Variants in LUZP2 observed in about 807,000 individuals in gnomAD.
LUZP2 encodes the protein leucine zipper protein 2.
LUZP2 carries 52 observed loss-of-function variants against 51.6 expected under a neutral mutation model. That is an observed-to-expected ratio of 1.01 (90% confidence interval 0.81 to 1.27). LUZP2 has a LOEUF of 1.27. LUZP2 is among the 50% of genes most tolerant of loss of function. The probability of loss-of-function intolerance (pLI) is 0.00; values close to 1 mark genes in which losing one functional copy is unlikely to be tolerated. For synonymous variants in LUZP2, 154 were observed against 137.3 expected (o/e 1.12, Z -0.85); for missense variants, 436 against 395.4 (o/e 1.10, Z -0.87).
intron 10 of LUZP2, among the ~76,000 whole-genome samples, chr11:25,076,245 A>G (rs1447808963): frequency 6.6e-6 from 1 of 151,978 alleles, no homozygotes; most frequent in Non-Finnish European, 1.5e-5. Flanking sequence ...ATGTTTCACC[A>G]TGTTGCCCAG....
chr11:24,585,873 G>A (rs190008006), intron 1 of LUZP2, among the ~76,000 whole-genome samples: 131 of 152,232 alleles, frequency 8.6e-4, no homozygotes, highest in African/African-American at 3.0e-3. Flanking sequence ...AACACTGCAC[G>A]TTAGATAGTT....
intron 1 of LUZP2, among the ~76,000 whole-genome samples, chr11:24,558,164 A>G (rs926604950): frequency 6.6e-6 from 1 of 152,106 alleles, no homozygotes; most frequent in Admixed American, 6.6e-5. Flanking sequence ...ACCAGCTTTT[A>G]GACTCTGGGG....
chr11:25,009,304 G>A (rs1856919061), intron 9 of LUZP2, among the ~76,000 whole-genome samples: 1 of 152,218 alleles, frequency 6.6e-6, no homozygotes, highest in East Asian at 1.9e-4. Context: ...CAGCAAAAAT[G>A]TTGTCATTTT....
chr11:24,979,367 G>A (rs980594325), intron 8 of LUZP2, among the ~76,000 whole-genome samples: 4 of 151,712 alleles, frequency 2.6e-5, no homozygotes, highest in Non-Finnish European at 5.9e-5. Context: ...AAGTTAGATA[G>A]AAATGCTAGT....
intron 4 of LUZP2, among the ~76,000 whole-genome samples, chr11:24,739,416 A>G (rs1320755666): frequency 6.6e-6 from 1 of 151,978 alleles, no homozygotes; most frequent in East Asian, 1.9e-4. Context: ...TTGTATTTGA[A>G]AAGTGTGTCT....
intron 1 of LUZP2, among the ~76,000 whole-genome samples, chr11:24,521,738 A>G (rs896039755): frequency 6.6e-6 from 1 of 152,192 alleles, no homozygotes. Context: ...TTTGCAATTC[A>G]AAACAGATGG....
At position 24,611,417 on chromosome 11, in the gene LUZP2, T is replaced by G. The variant is rs1166610601; in HGVS notation, c.62+114112T>G. 2.6e-5 allele frequency among the ~76,000 whole-genome samples: 4 copies of G among 152,218 alleles called. No individual in the cohort carries two copies. The highest frequency in any genetic ancestry group is 6.5e-5 in the Admixed American group (1 of 15,282). ...TATACATACATACAGCTATATAAGATATATTTTGCACACTAATAAAAGCAT... is the reference window on the plus strand; with the variant it reads ...TATACATACATACAGCTATATAAGAGATATTTTGCACACTAATAAAAGCAT... On this transcript the variant is annotated intron_variant, in intron 1 of 11. Transcript: ENST00000336930. The surrounding 1 kb of genome is among the most constrained non-coding windows in gnomAD (Gnocchi z 4.6).
At chr11:24,795,032 C>G (rs1849510797) in intron 5 of LUZP2, among the ~76,000 whole-genome samples, 1 of 151,978 alleles carries the variant, frequency 6.6e-6, no homozygotes. Flanking sequence ...AAGTAGAATT[C>G]AAACATAGCT....
intron 1 of LUZP2, among the ~76,000 whole-genome samples, chr11:24,543,875 G>T (rs920905585): frequency 6.8e-6 from 1 of 147,602 alleles, no homozygotes; most frequent in African/African-American, 2.5e-5. Context: ...ATATTTCCGG[G>T]TAGCTATATT....
Position 24,953,488 on chromosome 11 carries a change from A to G in LUZP2, c.523-23103A>G, listed in dbSNP as rs150978996. On this transcript the variant is annotated intron_variant, in intron 7 of 11. Transcript: ENST00000336930. ...AACCACCAATTTCTGTGCCTGTTGG[A>G]TGGAAATGCAGCCATTGTCTGCCAT... Among the ~76,000 whole-genome samples, 675 of 152,108 alleles carry G rather than the reference A, an allele frequency of 4.4e-3. 6 individuals carry two copies. The highest frequency in any genetic ancestry group is 0.015 in the African/African-American group (608 of 41,522).
At chr11:24,745,628 G>A (rs921503289) in intron 4 of LUZP2, among the ~76,000 whole-genome samples, 27 of 152,066 alleles carry the variant, frequency 1.8e-4, no homozygotes, top group African/African-American at 6.3e-4. Context: ...CCTGAAGGCA[G>A]CAGATGGTCA....
chr11:24,653,644 C>T (rs1280106713), intron 1 of LUZP2, among the ~76,000 whole-genome samples: 3 of 152,150 alleles, frequency 2.0e-5, no homozygotes, highest in Non-Finnish European at 4.4e-5. Context: ...ATGAATTCCT[C>T]TAGCTGATAC....
chr11:24,539,966 T>G (rs1220315125), intron 1 of LUZP2, among the ~76,000 whole-genome samples: 1 of 151,880 alleles, frequency 6.6e-6, no homozygotes, highest in East Asian at 1.9e-4. Flanking sequence ...TATACATGTG[T>G]GTACAAAGAC....
At chr11:24,704,444 G>GAAA (rs35062774) in intron 1 of LUZP2, among the ~76,000 whole-genome samples, 3 of 140,498 alleles carry the variant, frequency 2.1e-5, no homozygotes, top group East Asian at 2.0e-4. Flanking sequence ...TACTAAATCA[G>GAAA]AAAAAAAAAA....
intron 9 of LUZP2, among the ~76,000 whole-genome samples, chr11:25,032,251 T>C (rs763147858): frequency 1.9e-4 from 29 of 152,164 alleles, no homozygotes; most frequent in Non-Finnish European, 3.8e-4. Flanking sequence ...TTTAGGATAA[T>C]GAATTTGTGT....
chr11:24,759,415 T>C (rs10450585), intron 4 of LUZP2, among the ~76,000 whole-genome samples: 46,967 of 152,052 alleles, frequency 0.31, 7,882 homozygotes, highest in African/African-American at 0.43. Flanking sequence ...AATGCTAATA[T>C]ATTTTTAATG....
chr11:24,943,992 T>G (rs775926468), intron 7 of LUZP2, among the ~76,000 whole-genome samples: 7 of 152,120 alleles, frequency 4.6e-5, no homozygotes, highest in Non-Finnish European at 8.8e-5. Context: ...AAGAAGTCCA[T>G]GTATAATAAT....
intron 1 of LUZP2, among the ~76,000 whole-genome samples, chr11:24,697,474 A>C (rs993715446): frequency 6.6e-6 from 1 of 152,244 alleles, no homozygotes; most frequent in Non-Finnish European, 1.5e-5. Flanking sequence ...CTGACACAGC[A>C]GACTCTATCT....
At chr11:24,844,301 G>A (rs922825936) in intron 5 of LUZP2, among the ~76,000 whole-genome samples, 1 of 152,132 alleles carries the variant, frequency 6.6e-6, no homozygotes, top group African/African-American at 2.4e-5. Context: ...AAAGAGACTG[G>A]CAGCATTTTG....
Sources: gnomAD v4.1 joint callset for allele counts (sites outside exome capture counted in the v4.1 genomes callset) on GRCh38, gnomAD v4.1.1 for gene constraint, Gnocchi (gnomAD v3.1) non-coding constraint, MANE v1.5 for transcripts, NCBI Gene and HGNC (gene_info 2026-07-23, HGNC 2026-07-21) for gene names.